Variants in CCNB3 observed in about 807,000 individuals in gnomAD.
The protein encoded by CCNB3 is G2/mitotic-specific cyclin-B3.
A neutral mutation model predicts 68.0 loss-of-function variants in CCNB3; 12 were observed. The observed-to-expected ratio is 0.18, with a 90% CI of 0.11 to 0.29. The LOEUF is 0.29. Ranked by LOEUF, CCNB3 falls within the 10% of genes least tolerant of loss-of-function variation. The probability of loss-of-function intolerance (pLI) is 1.00; values close to 1 mark genes in which losing one functional copy is unlikely to be tolerated. For synonymous variants in CCNB3, 354 were observed against 388.9 expected, an observed-to-expected ratio of 0.91 and a Z score of 1.06; for missense variants, 904 against 993.1, an observed-to-expected ratio of 0.91 and a Z score of 1.21.
intron 1 of CCNB3, among the ~76,000 whole-genome samples, chrX:50,281,168 A>C (rs1462564236): frequency 9.0e-6 from 1 of 111,199 alleles, no homozygotes; most frequent in African/African-American, 3.3e-5. Context: ...TCAGAGGCAG[A>C]GTTGGATTTT....
rs782670155 is a variant in CCNB3, at chrX:50,347,654, C to T, written c.3839C>T (p.Thr1280Ile). The change falls in exon 11 of 13, where the codon ACC becomes ATC. Residue 1280 changes from threonine to isoleucine, a missense_variant. Around this residue, in one of 2 missense-constraint regions of CCNB3, gnomAD observed 285 missense variants for 383.4 expected, o/e 0.74. Coordinates refer to ENST00000376042, the MANE Select transcript of CCNB3 (RefSeq NM_033031.3). ...RCIHTNMKTL[T>I]LSRYICEMTL... Reference sequence around the variant, plus strand: ...ATCCACACCAACATGAAGACACTGACCTTGTCCCGCTACATCTGCGAGATG... The same window carrying T: ...ATCCACACCAACATGAAGACACTGATCTTGTCCCGCTACATCTGCGAGATG... 20 of 1,207,902 alleles carry T rather than the reference C, an allele frequency of 1.7e-5. No individual in the cohort carries two copies. The East Asian group carries it at 5.3e-4, about 32-fold the overall frequency.
chrX:50,306,294 C>G (rs1441868142), intron 5 of CCNB3, among the ~76,000 whole-genome samples: 2 of 111,070 alleles, frequency 1.8e-5, no homozygotes, highest in Non-Finnish European at 3.8e-5. Flanking sequence ...TGCAAGTATA[C>G]AGAAAGACAT....
chrX:50,285,313 G>A (rs1014402018), intron 3 of CCNB3, 54 bp downstream of exon 3: 12 of 923,152 alleles, frequency 1.3e-5, no homozygotes, highest in Non-Finnish European at 1.9e-5. Context: ...TTCCTGTGTT[G>A]GCTCAGTACC....
chrX:50,288,915 A>G (rs1398261594), intron 4 of CCNB3, 28 bp downstream of exon 4: 2 of 992,593 alleles, frequency 2.0e-6, no homozygotes, highest in Non-Finnish European at 2.8e-6. Context: ...ATCCTTTGCT[A>G]TGGTTTTGCA....
At chrX:50,228,249 A>C (rs1935958985) in intron 1 of CCNB3, among the ~76,000 whole-genome samples, 1 of 86,783 alleles carries the variant, frequency 1.2e-5, no homozygotes, top group South Asian at 4.7e-4. Context: ...GAATATATAT[A>C]AATACATAGA....
intron 8 of CCNB3, among the ~76,000 whole-genome samples, chrX:50,324,705 C>T (rs1183378353): frequency 9.0e-6 from 1 of 111,711 alleles, no homozygotes. Context: ...AATGCTTAGT[C>T]TGTTTTAATT....
chrX:50,339,124 C>T (rs1396767920), intron 8 of CCNB3, among the ~76,000 whole-genome samples: 1 of 112,546 alleles, frequency 8.9e-6, no homozygotes, highest in Non-Finnish European at 1.9e-5. Flanking sequence ...AGGTCTCAGT[C>T]AATTTAGAAA....
chrX:50,221,890 A>G, intron 1 of CCNB3, among the ~76,000 whole-genome samples: 1 of 110,844 alleles, frequency 9.0e-6, no homozygotes, highest in Non-Finnish European at 1.9e-5. Context: ...TCCCACTATT[A>G]TTGTGTGGGA....
At chrX:50,322,388 G>A (rs1349139953) in intron 8 of CCNB3, among the ~76,000 whole-genome samples, 3 of 110,923 alleles carry the variant, frequency 2.7e-5, no homozygotes, top group Non-Finnish European at 5.7e-5. Context: ...GCTGAAACTG[G>A]ATCCCTTCCT....
At chrX:50,333,842 G>A (rs782185572) in intron 8 of CCNB3, among the ~76,000 whole-genome samples, 28 of 111,158 alleles carry the variant, frequency 2.5e-4, no homozygotes, top group Non-Finnish European at 3.6e-4. Flanking sequence ...ATGGAGGCTC[G>A]CTGGTGTCCC....
At chrX:50,311,527 T>C (rs1921452802) in intron 6 of CCNB3, 31 bp downstream of exon 6, 2 of 1,052,356 alleles carry the variant, frequency 1.9e-6, no homozygotes, top group Middle Eastern at 2.6e-4. Context: ...TTAAATTAGA[T>C]AAATTGTTCT....
rs185049865 is a variant in CCNB3 at position 50,305,755 on chromosome X, T to C, written c.336-2750T>C. The stretch of plus-strand genomic sequence containing the variant: ...TGGATCAACTTGGGAAGTATTGATA[T>C]GGGTTTTTTTTTCTTTCTTTCTTTT... On this transcript the variant is annotated intron_variant, in intron 5 of 12. Coordinates refer to ENST00000376042, the MANE Select transcript of CCNB3 (RefSeq NM_033031.3). Among the ~76,000 whole-genome samples, 72 of 102,377 alleles carry C rather than the reference T, an allele frequency of 7.0e-4. 1 individual carries two copies. In the East Asian group the frequency reaches 0.021, roughly 29 times the overall value. 88.9% of individuals were successfully genotyped at this position (102,377 alleles called of 115,157 possible). A position where few individuals can be genotyped will look rare whatever the true frequency, so the allele number is the denominator to read the frequency against.
At position 50,351,344 on chromosome X, in the gene CCNB3, A is replaced by G. The variant is rs781806153; in HGVS notation, c.4064A>G (p.Lys1355Arg). The G allele has an allele frequency of 8.3e-7, 1 of 1,211,436 alleles. No homozygotes were observed. The highest frequency in any genetic ancestry group is 1.1e-6 in the Non-Finnish European group (1 of 895,250). Reference protein sequence around the residue: ...LLTFSSYDSLKAVYYKYSHPV... With the variant: ...LLTFSSYDSLRAVYYKYSHPV... ...ACTTTCAGTTCTTACGATAGTCTCAAGGCTGTGTATTACAAGTATTCTCAC... is the reference window on the plus strand; with the variant it reads ...ACTTTCAGTTCTTACGATAGTCTCAGGGCTGTGTATTACAAGTATTCTCAC... The change falls in exon 12 of 13, where the codon AAG becomes AGG. Residue 1355 changes from lysine to arginine, a missense_variant. Transcript: ENST00000376042.
intron 1 of CCNB3, among the ~76,000 whole-genome samples, chrX:50,226,198 TAGAATATATATATTTATATATATAG>T (rs1328066788): frequency 4.5e-5 from 3 of 66,365 alleles, no homozygotes; most frequent in African/African-American, 2.2e-4. Flanking sequence ...TAAATATATA[TAGAATATATATATTTATATATATAG>T]AATATATATA....
At chrX:50,287,364 T>C (rs1416046481) in intron 3 of CCNB3, among the ~76,000 whole-genome samples, 1 of 111,457 alleles carries the variant, frequency 9.0e-6, no homozygotes, top group African/African-American at 3.3e-5. Context: ...CCTTTATATA[T>C]ACTAACAATC....
chrX:50,228,446 T>C (rs1935968867), intron 1 of CCNB3, among the ~76,000 whole-genome samples: 1 of 92,309 alleles, frequency 1.1e-5, no homozygotes, highest in Admixed American at 1.4e-4. Flanking sequence ...GATATAGCTA[T>C]ATAGAATATA....
At chrX:50,347,583 T>G (rs1569543685) in intron 10 of CCNB3, 43 bp from the exon 11 acceptor site, 7 of 1,175,895 alleles carry the variant, frequency 6.0e-6, no homozygotes, top group Non-Finnish European at 8.0e-6. Context: ...TTGGTGCCAG[T>G]TTTCTAAATT....
intron 8 of CCNB3, among the ~76,000 whole-genome samples, chrX:50,324,173 T>A (rs1241342088): frequency 3.6e-5 from 4 of 111,518 alleles, no homozygotes; most frequent in Non-Finnish European, 7.5e-5. Flanking sequence ...GCCTCCAGAG[T>A]AGCTGGGATT....
At chrX:50,226,714 T>A in intron 1 of CCNB3, among the ~76,000 whole-genome samples, 1 of 78,961 alleles carries the variant, frequency 1.3e-5, no homozygotes, top group African/African-American at 5.0e-5. Context: ...TATGAATATG[T>A]ACACAGAATA....
Sources: allele counts gnomAD v4.1 joint callset (sites outside exome capture counted in the v4.1 genomes callset), GRCh38; gene constraint gnomAD v4.1.1; regional missense constraint gnomAD v4.1.1; transcripts MANE v1.5; gene names NCBI Gene and HGNC (gene_info 2026-07-23, HGNC 2026-07-21).